ADORA1: variants seen among roughly 807,000 people sequenced by gnomAD.
ADORA1 encodes the protein adenosine receptor A1.
ADORA1 carries 6 observed loss-of-function variants against 19.9 expected under a neutral mutation model. The ratio of observed to expected loss-of-function variants is 0.30; its 90% CI spans 0.17 to 0.59. ADORA1 has a LOEUF of 0.59. Ranked by LOEUF, ADORA1 falls within the 20% of genes least tolerant of loss-of-function variation. The pLI is 0.87. For synonymous variants in ADORA1, 194 were observed against 188.4 expected (o/e 1.03, Z -0.24); for missense variants, 302 against 439.2 (o/e 0.69, Z 2.79).
At chr1:203,164,967 GT>G in intron 3 of ADORA1, 1 of 1,442,958 alleles carries the variant, frequency 6.9e-7, no homozygotes, top group Non-Finnish European at 9.5e-7. Context: ...AATTTTTACT[GT>G]GGTCATTTCC....
chr1:203,160,081 A>C (rs568659087), intron 3 of ADORA1, among the ~76,000 whole-genome samples: 1 of 152,318 alleles, frequency 6.6e-6, no homozygotes, highest in South Asian at 2.1e-4. Context: ...CATCTCCCAG[A>C]GTGGCAGAGC....
rs1194855969 is a variant in ADORA1 at position 203,128,143 on chromosome 1, A to T, written c.-212-135A>T. 2.8e-6 allele frequency: 1 copy of T among 361,020 alleles called. No individual in the cohort carries two copies. Among genetic ancestry groups the T allele is most frequent in the East Asian group, 8.8e-5 (1 of 11,390 alleles). The allele number at this position is 361,020 out of a possible 1,614,324, so 22.4% of individuals were successfully genotyped here. On this transcript the variant is annotated intron_variant, in intron 1 of 3. Transcript: ENST00000337894. The surrounding 1 kb of genome is among the most constrained non-coding windows in gnomAD (Gnocchi z 5.9). ...GCGGGCACGCTGGGGAATAGGGAGA[A>T]ACGCCCCAGCCTTGTCCTGGGCTCC...
intron 3 of ADORA1, among the ~76,000 whole-genome samples, chr1:203,162,032 C>T (rs1370837915): frequency 6.6e-6 from 1 of 152,202 alleles, no homozygotes; most frequent in Non-Finnish European, 1.5e-5. Flanking sequence ...CCCAGCACAG[C>T]CCTCGGGGAT....
At chr1:203,143,398 A>G (rs1188693856) in intron 3 of ADORA1, among the ~76,000 whole-genome samples, 1 of 152,234 alleles carries the variant, frequency 6.6e-6, no homozygotes, top group African/African-American at 2.4e-5. Flanking sequence ...TGCCATCAGC[A>G]TAAGAATTTG....
intron 3 of ADORA1, among the ~76,000 whole-genome samples, chr1:203,134,454 G>C (rs1654440279): frequency 6.6e-6 from 1 of 152,218 alleles, no homozygotes; most frequent in Admixed American, 6.5e-5. Context: ...GGCCAAGGGA[G>C]AACATGGCCT....
rs1571817495 is a variant in ADORA1, at chr1:203,166,967, C to A, written c.*1067C>A. ...GCTGCAGCAGGCAGAGGAGAGTACC[C>A]CCCTGAGAGCATGTGGGGGAAGGCC... is the stretch of plus-strand genomic sequence containing the variant. On this transcript the variant is annotated 3_prime_UTR_variant, in exon 4 of 4. Transcript: ENST00000337894. 1 of 152,592 alleles carries A rather than the reference C, an allele frequency of 6.6e-6. No individual in the cohort carries two copies. Among genetic ancestry groups the A allele is most frequent in the East Asian group, 1.9e-4 (1 of 5,206 alleles). 9.5% of individuals were successfully genotyped at this position (152,592 alleles called of 1,614,324 possible). A position where few individuals can be genotyped will look rare whatever the true frequency, so the allele number is the denominator to read the frequency against.
At chr1:203,131,487 C>T (rs1045908682) in intron 3 of ADORA1, among the ~76,000 whole-genome samples, 1 of 152,214 alleles carries the variant, frequency 6.6e-6, no homozygotes, top group Admixed American at 6.5e-5. Context: ...GGAACACACA[C>T]AGTTGAGCCT....
At chr1:203,140,698 A>G (rs1030303651) in intron 3 of ADORA1, among the ~76,000 whole-genome samples, 4 of 152,176 alleles carry the variant, frequency 2.6e-5, no homozygotes, top group African/African-American at 4.8e-5. Context: ...CTTACTTCTC[A>G]GGAAGCCATT....
At chr1:203,136,976 T>C (rs1273693939) in intron 3 of ADORA1, among the ~76,000 whole-genome samples, 2 of 152,138 alleles carry the variant, frequency 1.3e-5, no homozygotes, top group Non-Finnish European at 1.5e-5. Flanking sequence ...TTCTAATGAA[T>C]TGGAAATCAG....
At position 203,133,561 on chromosome 1, in the gene ADORA1, G is replaced by A. The variant is rs138462253; in HGVS notation, c.341+4379G>A. Among the ~76,000 whole-genome samples, 71 of 152,370 alleles carry A rather than the reference G, an allele frequency of 4.7e-4. No individual in the cohort carries two copies. In the East Asian group the frequency reaches 0.011, roughly 23 times the overall value. On this transcript the variant is annotated intron_variant, in intron 3 of 3. Coordinates refer to ENST00000337894, the MANE Select transcript of ADORA1 (RefSeq NM_000674.3). ...ACCAGTAAGCCCATGTGTATCTTGC[G>A]TCAGCCCAAGAAGCTGTAGGATTTT...
chr1:203,149,578 C>T (rs1349151509), intron 3 of ADORA1, among the ~76,000 whole-genome samples: 1 of 152,138 alleles, frequency 6.6e-6, no homozygotes, highest in African/African-American at 2.4e-5. Context: ...GTGTGTTAGA[C>T]TCCTGTGAGA....
chr1:203,150,841 G>A (rs560703992), intron 3 of ADORA1: 1 of 1,278,158 alleles, frequency 7.8e-7, no homozygotes, highest in African/African-American at 1.5e-5. Flanking sequence ...ATCTTTTCCA[G>A]GGCAGGGGGC....
At chr1:203,136,129 G>A (rs1464352469) in intron 3 of ADORA1, among the ~76,000 whole-genome samples, 3 of 152,102 alleles carry the variant, frequency 2.0e-5, no homozygotes, top group African/African-American at 4.8e-5. Context: ...CTCCTTGGGC[G>A]GCATGAATCA....
intron 3 of ADORA1, among the ~76,000 whole-genome samples, chr1:203,150,283 G>T (rs1271194528): frequency 6.6e-6 from 1 of 152,250 alleles, no homozygotes; most frequent in Admixed American, 6.5e-5. Context: ...CCCTGGAGCT[G>T]GGGCAGAAGC....
chr1:203,140,182 C>G (rs1654635048), intron 3 of ADORA1, among the ~76,000 whole-genome samples: 1 of 152,126 alleles, frequency 6.6e-6, no homozygotes. Context: ...TCTGCCTGCT[C>G]TGTGGAGGAT....
Position 203,165,919 on chromosome 1 carries a change from A to G in ADORA1, c.*19A>G, listed in dbSNP as rs762570469. On this transcript the variant is annotated 3_prime_UTR_variant, in exon 4 of 4. Transcript: ENST00000337894. This position sits in a 1 kb window ranked among gnomAD's most constrained non-coding sequence, Gnocchi z 5.9. Reference sequence around the variant, plus strand: ...TGACTAGACCCCGCCTTCCGCTCCCACCAGCCCACATCCAGTGGGGTCTCA... The same window carrying G: ...TGACTAGACCCCGCCTTCCGCTCCCGCCAGCCCACATCCAGTGGGGTCTCA... 3 of 1,533,034 alleles carry G rather than the reference A, an allele frequency of 2.0e-6. No individual in the cohort carries two copies. The highest frequency in any genetic ancestry group is 1.8e-4 in the Middle Eastern group (1 of 5,642). The allele number at this position is 1,533,034 out of a possible 1,614,324, so 95.0% of individuals were successfully genotyped here.
In ADORA1 at chr1:203,165,733, A is replaced by G; in HGVS notation, c.814A>G (p.Ile272Val). Residue 272 changes from isoleucine to valine, a missense_variant, in exon 4 of 4, where the codon ATT becomes GTT. Physicochemically the swap from Ile to Val is conservative, Grantham distance 29. Coordinates refer to ENST00000337894, the MANE Select transcript of ADORA1 (RefSeq NM_000674.3). The surrounding 1 kb of genome is among the most constrained non-coding windows in gnomAD (Gnocchi z 5.9). ...SCHKPSILTY[I>V]AIFLTHGNSA... ...CCACAAGCCCAGCATCCTTACCTAC[A>G]TTGCCATCTTCCTCACGCACGGCAA... 6.2e-7 allele frequency: 1 copy of G among 1,613,322 alleles called. No homozygotes were observed. The highest frequency in any genetic ancestry group is 8.5e-7 in the Non-Finnish European group (1 of 1,179,612).
intron 3 of ADORA1, among the ~76,000 whole-genome samples, chr1:203,157,975 A>G (rs1179205013): frequency 6.6e-6 from 1 of 152,192 alleles, no homozygotes; most frequent in Admixed American, 6.5e-5. Flanking sequence ...TCATTCTCCC[A>G]TCATCCTGAT....
chr1:203,145,266 G>A (rs1654823818), intron 3 of ADORA1, among the ~76,000 whole-genome samples: 1 of 152,234 alleles, frequency 6.6e-6, no homozygotes, highest in South Asian at 2.1e-4. Context: ...TGAGTGTTGA[G>A]TCCAGGTGGA....
Sources: gnomAD v4.1 joint callset for allele counts (sites outside exome capture counted in the v4.1 genomes callset) on GRCh38, gnomAD v4.1.1 for gene constraint, Gnocchi (gnomAD v3.1) non-coding constraint, MANE v1.5 for transcripts, NCBI Gene and HGNC (gene_info 2026-07-23, HGNC 2026-07-21) for gene names.